RAB12: variants seen among roughly 807,000 people sequenced by gnomAD.
The protein encoded by RAB12 is RAB12, member RAS oncogene family, also known as ras-related protein Rab-12.
RAB12 carries 11 observed loss-of-function variants against 28.4 expected under a neutral mutation model. That is an observed-to-expected ratio of 0.39 (90% CI 0.24 to 0.64). RAB12 has a LOEUF of 0.64. RAB12 is among the 30% of genes least tolerant of loss of function. The pLI, the probability that RAB12 is intolerant of heterozygous loss-of-function variation, is 0.50. For synonymous variants in RAB12, 138 were observed against 145.3 expected (o/e 0.95, Z 0.36); for missense variants, 276 against 351.1 (o/e 0.79, Z 1.71).
chr18:8,632,084 C>T (rs1362066003), intron 2 of RAB12, among the ~76,000 whole-genome samples: 1 of 151,976 alleles, frequency 6.6e-6, no homozygotes, highest in Non-Finnish European at 1.5e-5. Context: ...GAGTTTGAGA[C>T]CAGCCTGGCC....
At chr18:8,617,325 C>T (rs1332336635) in intron 1 of RAB12, among the ~76,000 whole-genome samples, 1 of 152,110 alleles carries the variant, frequency 6.6e-6, no homozygotes, top group African/African-American at 2.4e-5. Context: ...AAAATGTAAT[C>T]ACATGTCCTG....
chr18:8,636,367 AG>A lies in RAB12; in HGVS notation c.909+11del. On this transcript the variant is annotated intron_variant, in intron 5 of 5. Transcript: ENST00000649141. Reference sequence around the variant, plus strand: ...TGACATTCTGAAAAAGGTAAAAAAAAGAATCTACATTATAAAAGTATATCAT... The same window carrying A: ...TGACATTCTGAAAAAGGTAAAAAAAAAATCTACATTATAAAAGTATATCAT... 1 of 1,466,178 alleles carries A rather than the reference AG, an allele frequency of 6.8e-7. No individual in the cohort carries two copies. Among genetic ancestry groups the A allele is most frequent in the Non-Finnish European group, 9.5e-7 (1 of 1,053,424 alleles). 90.8% of individuals were successfully genotyped at this position (1,466,178 alleles called of 1,614,324 possible).
rs150749805 is a variant in RAB12, at chr18:8,610,728, G to A, written c.514+775G>A. On this transcript the variant is annotated intron_variant, in intron 1 of 5. Transcript: ENST00000649141. Reference sequence around the variant, plus strand: ...ACATTGAGATTTCTCAGTTGGATGTGGGTAGCAGTTGTTTCTATGGAAAAC... The same window carrying A: ...ACATTGAGATTTCTCAGTTGGATGTAGGTAGCAGTTGTTTCTATGGAAAAC... Among the ~76,000 whole-genome samples, 295 of 152,298 alleles carry A rather than the reference G, an allele frequency of 1.9e-3. 1 individual carries two copies. The highest frequency in any genetic ancestry group is 6.9e-3 in the African/African-American group (285 of 41,552).
At chr18:8,615,956 T>C (rs2096006444) in intron 1 of RAB12, among the ~76,000 whole-genome samples, 1 of 152,208 alleles carries the variant, frequency 6.6e-6, no homozygotes, top group South Asian at 2.1e-4. Context: ...TAATGGATCT[T>C]GGAACTGGCT....
chr18:8,633,180 T>C lies in RAB12; in HGVS notation c.576-9T>C. 1 of 1,614,000 alleles carries C rather than the reference T, an allele frequency of 6.2e-7. No homozygotes were observed. Among genetic ancestry groups the C allele is most frequent in the Non-Finnish European group, 8.5e-7 (1 of 1,179,984 alleles). Reference sequence around the variant, plus strand: ...TATTTGGGAACTGACTTTGGCTGCTTTTTCTTAGGGACACAGCAGGTCAGG... The same window carrying C: ...TATTTGGGAACTGACTTTGGCTGCTCTTTCTTAGGGACACAGCAGGTCAGG... On this transcript the variant is annotated splice_polypyrimidine_tract_variant and intron_variant, in intron 2 of 5. Transcript: ENST00000649141.
chr18:8,610,897 T>C (rs1266506531), intron 1 of RAB12, among the ~76,000 whole-genome samples: 1 of 152,188 alleles, frequency 6.6e-6, no homozygotes, highest in Non-Finnish European at 1.5e-5. Flanking sequence ...AAGCATAATT[T>C]CATGTAATTC....
chr18:8,614,288 A>T (rs1193810398), intron 1 of RAB12, among the ~76,000 whole-genome samples: 2 of 152,158 alleles, frequency 1.3e-5, no homozygotes, highest in African/African-American at 4.8e-5. Context: ...AATTAAAATA[A>T]TGCTACAAGA....
chr18:8,609,983 GC>G, intron 1 of RAB12, 30 bp downstream of exon 1: 1 of 1,561,048 alleles, frequency 6.4e-7, no homozygotes, highest in Non-Finnish European at 8.8e-7. Flanking sequence ...CCTGGGCCGG[GC>G]CTCCTGGCGC....
chr18:8,636,391 C>A, intron 5 of RAB12, 34 bp downstream of exon 5: 2 of 1,248,402 alleles, frequency 1.6e-6, no homozygotes, highest in Non-Finnish European at 2.3e-6. Flanking sequence ...AAAAGTATAT[C>A]ATCTGAAACC....
intron 4 of RAB12, 91 bp downstream of exon 4, chr18:8,635,713 C>A: frequency 1.2e-6 from 1 of 804,022 alleles, no homozygotes; most frequent in Non-Finnish European, 1.9e-6. Flanking sequence ...TTAAAAATTA[C>A]AAAGAAATTA....
chr18:8,610,044 G>T, intron 1 of RAB12, 91 bp downstream of exon 1: 9 of 985,450 alleles, frequency 9.1e-6, no homozygotes, highest in Non-Finnish European at 1.4e-5. Flanking sequence ...TCGAGCCTGG[G>T]AGTCTTTCGG....
Position 8,635,542 on chromosome 18 carries a change from G to A in RAB12, c.724G>A (p.Glu242Lys). Residue 242 changes from glutamate (E) to lysine (K), a missense_variant, in exon 4 of 6, where the codon GAA becomes AAA. Coordinates refer to ENST00000649141, the MANE Select transcript of RAB12 (RefSeq NM_001025300.3). ...WMKMIDKYASEDAELLLVGNK... is the reference protein window; with the variant it reads ...WMKMIDKYASKDAELLLVGNK... ...TTTTAAAATTCCACAGTATGCTTCAGAAGATGCAGAGCTTCTCTTAGTTGG... is the reference window on the plus strand; with the variant it reads ...TTTTAAAATTCCACAGTATGCTTCAAAAGATGCAGAGCTTCTCTTAGTTGG... 1 of 1,611,886 alleles carries A rather than the reference G, an allele frequency of 6.2e-7. No homozygotes were observed. Among genetic ancestry groups the A allele is most frequent in the Non-Finnish European group, 8.5e-7 (1 of 1,178,768 alleles).
At position 8,629,628 on chromosome 18, in the gene RAB12, T is replaced by A. The variant is rs543237345; in HGVS notation, c.576-3561T>A. On this transcript the variant is annotated intron_variant, in intron 2 of 5. Coordinates refer to ENST00000649141, the MANE Select transcript of RAB12 (RefSeq NM_001025300.3). ...TATCCTCTGAGGCAAAGCAAATGGCTTCACTTTATGTGGAAATGAATTTGC... is the reference window on the plus strand; with the variant it reads ...TATCCTCTGAGGCAAAGCAAATGGCATCACTTTATGTGGAAATGAATTTGC... Among the ~76,000 whole-genome samples the A allele has an allele frequency of 2.6e-5, 4 of 152,384 alleles. No homozygotes were observed. The South Asian group carries it at 6.2e-4, about 24-fold the overall frequency.
rs765262540 is a variant in RAB12, at chr18:8,636,376, A to G, written c.909+19A>G. The stretch of plus-strand genomic sequence containing the variant: ...GAAAAAGGTAAAAAAAAGAATCTAC[A>G]TTATAAAAGTATATCATCTGAAACC... On this transcript the variant is annotated intron_variant, in intron 5 of 5. Coordinates refer to ENST00000649141, the MANE Select transcript of RAB12 (RefSeq NM_001025300.3). 7.8e-6 allele frequency: 11 copies of G among 1,415,734 alleles called. No homozygotes were observed. The highest frequency in any genetic ancestry group is 2.4e-5 in the South Asian group (2 of 82,276). The allele number at this position is 1,415,734 out of a possible 1,614,324, so 87.7% of individuals were successfully genotyped here. A position where few individuals can be genotyped will look rare whatever the true frequency, so the allele number is the denominator to read the frequency against.
At chr18:8,613,118 A>C (rs1225183336) in intron 1 of RAB12, among the ~76,000 whole-genome samples, 2 of 152,178 alleles carry the variant, frequency 1.3e-5, no homozygotes, top group African/African-American at 4.8e-5. Context: ...GGTTTAAAAG[A>C]TTTACAAAAT....
chr18:8,625,949 G>A (rs989848564), intron 2 of RAB12, among the ~76,000 whole-genome samples: 5 of 152,150 alleles, frequency 3.3e-5, no homozygotes, highest in Non-Finnish European at 5.9e-5. Flanking sequence ...TGTCTGGGCC[G>A]CAGCTGCAGC....
chr18:8,631,182 G>A (rs920292624), intron 2 of RAB12, among the ~76,000 whole-genome samples: 3 of 152,200 alleles, frequency 2.0e-5, no homozygotes, highest in African/African-American at 4.8e-5. Flanking sequence ...GAGCCACTGC[G>A]CCCGGCCTAA....
chr18:8,624,945 C>T lies in RAB12; in HGVS notation c.522C>T (p.Asp174=), dbSNP rs759996418. The T allele has an allele frequency of 3.8e-6, 6 of 1,592,934 alleles. No homozygotes were observed. The highest frequency in any genetic ancestry group is 1.7e-4 in the Middle Eastern group (1 of 6,024). ...CEACKSTVGV[D]FKIKTVELRG... ...TATTTGTTTTATTTACAGGTGTTGACTTCAAAATCAAAACTGTAGAGCTAA... is the reference window on the plus strand; with the variant it reads ...TATTTGTTTTATTTACAGGTGTTGATTTCAAAATCAAAACTGTAGAGCTAA... The change falls in exon 2 of 6, where the codon GAC becomes GAT. Residue 174 remains aspartate, a synonymous_variant. Coordinates refer to ENST00000649141, the MANE Select transcript of RAB12 (RefSeq NM_001025300.3).
intron 4 of RAB12, chr18:8,635,877 ATTTT>A (rs1355576151): frequency 1.1e-5 from 5 of 448,776 alleles, no homozygotes; most frequent in African/African-American, 4.1e-5. Flanking sequence ...AGAGAAACAT[ATTTT>A]AAGCCATAAA....
Sources: gnomAD v4.1 joint callset for allele counts (sites outside exome capture counted in the v4.1 genomes callset) on GRCh38, gnomAD v4.1.1 for gene constraint, MANE v1.5 for transcripts, NCBI Gene and HGNC (gene_info 2026-07-23, HGNC 2026-07-21) for gene names.